Variants in ZNF536 observed in about 807,000 individuals in gnomAD.
ZNF536 encodes zinc finger protein 536.
ZNF536 carries 13 observed loss-of-function variants against 84.5 expected under a neutral mutation model. That is an observed-to-expected ratio of 0.15 (90% CI 0.10 to 0.24). The LOEUF is 0.24. Among genes scored for constraint, ZNF536 ranks in the 10% least tolerant of loss-of-function variants. The probability of loss-of-function intolerance (pLI) is 1.00; values close to 1 mark genes in which losing one functional copy is unlikely to be tolerated. For synonymous variants in ZNF536, 811 were observed against 742.5 expected, an observed-to-expected ratio of 1.09 and a Z score of -1.50; for missense variants, 1,536 against 1,747.5, an observed-to-expected ratio of 0.88 and a Z score of 2.16.
chr19:30,503,919 C>G (rs1224640819), intron 2 of ZNF536, among the ~76,000 whole-genome samples: 2 of 145,350 alleles, frequency 1.4e-5, no homozygotes, highest in African/African-American at 5.1e-5. Context: ...TTTCTTCTCT[C>G]TCTTTTTTTT....
chr19:30,656,705 T>G (rs916521081), intron 1 of ZNF536, among the ~76,000 whole-genome samples: 14 of 152,330 alleles, frequency 9.2e-5, no homozygotes, highest in Admixed American at 1.3e-4. Flanking sequence ...ATGCCTGTCA[T>G]CATTTTATGA....
chr19:30,254,964 T>C (rs949469650), intron 1 of ZNF536, among the ~76,000 whole-genome samples: 1 of 152,238 alleles, frequency 6.6e-6, no homozygotes, highest in Non-Finnish European at 1.5e-5. Context: ...TGTTTCTAGA[T>C]ATCATGTTAA....
intron 1 of ZNF536, among the ~76,000 whole-genome samples, chr19:30,408,283 A>G (rs990139830): frequency 1.9e-4 from 29 of 152,112 alleles, no homozygotes; most frequent in African/African-American, 5.3e-4. Flanking sequence ...AAAATTGGCC[A>G]CTAGTATAAT....
intron 1 of ZNF536, among the ~76,000 whole-genome samples, chr19:30,380,149 C>T (rs1446218085): frequency 2.0e-5 from 3 of 152,144 alleles, no homozygotes; most frequent in Non-Finnish European, 4.4e-5. Context: ...TAGCCCAAGT[C>T]CTAGTGCATT....
At chr19:30,504,551 A>C (rs960960305) in intron 2 of ZNF536, among the ~76,000 whole-genome samples, 44 of 27,582 alleles carry the variant, frequency 1.6e-3, no homozygotes, top group Non-Finnish European at 1.6e-3. Flanking sequence ...TCATCCTCCC[A>C]CCCTTCCTCC....
At chr19:30,698,152 C>T (rs2051740537) in intron 1 of ZNF536, among the ~76,000 whole-genome samples, 1 of 152,058 alleles carries the variant, frequency 6.6e-6, no homozygotes, top group Admixed American at 6.5e-5. Context: ...ATTAGCTGGA[C>T]CCATTGGTGC....
intron 1 of ZNF536, among the ~76,000 whole-genome samples, chr19:30,686,590 T>G (rs2051193797): frequency 6.6e-6 from 1 of 152,172 alleles, no homozygotes; most frequent in South Asian, 2.1e-4. Flanking sequence ...CTCTTCGTCC[T>G]CCCTCTTAGT....
intron 1 of ZNF536, among the ~76,000 whole-genome samples, chr19:30,570,307 C>T (rs569785394): frequency 3.3e-5 from 5 of 152,242 alleles, no homozygotes; most frequent in Admixed American, 2.0e-4. Context: ...TGTAAGAAGC[C>T]GGGTGGGCTG....
At chr19:30,505,281 T>C (rs1227686555) in intron 2 of ZNF536, among the ~76,000 whole-genome samples, 1 of 147,694 alleles carries the variant, frequency 6.8e-6, no homozygotes, top group Admixed American at 6.8e-5. Context: ...TATATACTAA[T>C]AAATATTCTA....
At position 30,534,860 on chromosome 19, in the gene ZNF536, G is replaced by A; in HGVS notation, c.2184G>A (p.Glu728=). The A allele has an allele frequency of 1.9e-6, 3 of 1,612,946 alleles. No homozygotes were observed. Among genetic ancestry groups the A allele is most frequent in the Non-Finnish European group, 2.5e-6 (3 of 1,179,222 alleles). Residue 728 remains glutamate, a synonymous_variant, in exon 3 of 5, where the codon GAG becomes GAA. Coordinates refer to ENST00000355537, the MANE Select transcript of ZNF536 (RefSeq NM_014717.3). ...CCTTCGCTGCAGACATTGGCGAGGA[G>A]GCTGGGAGATCTGCCGGCGTCCAGC... The part of the protein sequence containing the change: ...SSPSSSDIGE[E]AGRSAGVQQP...
Position 30,263,368 on chromosome 19 carries a change from G to A in ZNF536, c.-189-20704G>A, listed in dbSNP as rs545905906. 6.6e-5 allele frequency among the ~76,000 whole-genome samples: 10 copies of A among 152,208 alleles called. No homozygotes were observed. The South Asian group carries it at 8.3e-4, about 13-fold the overall frequency. ...AAGCCACACTGCAGTGCCATCACCC[G>A]TGGAGCTGGCAGCAGAACCCACTGG... is the stretch of plus-strand genomic sequence containing the variant. On this transcript the variant is annotated intron_variant, in intron 1 of 5. Transcript: ENST00000585628.
chr19:30,367,173 C>G (rs2048461823), intron 3 of ZNF536, among the ~76,000 whole-genome samples: 1 of 152,196 alleles, frequency 6.6e-6, no homozygotes, highest in African/African-American at 2.4e-5. Flanking sequence ...TCTGAAAGAC[C>G]CTCCGCCACA....
At chr19:30,316,968 G>T (rs1456186348) in intron 2 of ZNF536, among the ~76,000 whole-genome samples, 2 of 152,192 alleles carry the variant, frequency 1.3e-5, no homozygotes, top group Non-Finnish European at 2.9e-5. Flanking sequence ...GACACAGCTT[G>T]CAGGACAGCA....
rs557749226 is a variant in ZNF536, at chr19:30,638,035, T to C, written c.170-72722T>C. 6.6e-5 allele frequency among the ~76,000 whole-genome samples: 10 copies of C among 152,152 alleles called. No homozygotes were observed. The South Asian group carries it at 2.1e-3, about 32-fold the overall frequency. Reference sequence around the variant, plus strand: ...TCATGGACCACCCAGAAGTAGTCGATGCAAGCCCTGAAAACTCTTTCCTGA... The same window carrying C: ...TCATGGACCACCCAGAAGTAGTCGACGCAAGCCCTGAAAACTCTTTCCTGA... On this transcript the variant is annotated intron_variant, in intron 1 of 1. Transcript: ENST00000592773.
At chr19:30,711,632 A>G (rs1040308302) in exon 2 of ZNF536, 3 of 152,198 alleles carry the variant, frequency 2.0e-5, no homozygotes, top group Admixed American at 6.5e-5. Flanking sequence ...TTAAATGCGC[A>G]TTTTTACAAA....
intron 1 of ZNF536, among the ~76,000 whole-genome samples, chr19:30,422,382 A>G (rs1329389722): frequency 6.6e-6 from 1 of 152,168 alleles, no homozygotes; most frequent in Non-Finnish European, 1.5e-5. Flanking sequence ...GACTAAAGAT[A>G]TCTCCCTAAG....
At chr19:30,588,578 AT>A (rs1568579473) in intron 1 of ZNF536, among the ~76,000 whole-genome samples, 1 of 151,844 alleles carries the variant, frequency 6.6e-6, no homozygotes, top group Non-Finnish European at 1.5e-5. Flanking sequence ...TTTTTTTCTA[AT>A]TTTTCTGATC....
At chr19:30,302,572 A>G (rs142615222) in intron 2 of ZNF536, among the ~76,000 whole-genome samples, 31 of 152,238 alleles carry the variant, frequency 2.0e-4, no homozygotes, top group African/African-American at 7.0e-4. Flanking sequence ...CAGTTCTAGA[A>G]TGCAGTCTGT....
At chr19:30,421,657 C>G (rs1012546085) in intron 1 of ZNF536, among the ~76,000 whole-genome samples, 10 of 152,246 alleles carry the variant, frequency 6.6e-5, no homozygotes, top group Non-Finnish European at 1.0e-4. Flanking sequence ...GCCACTGTCT[C>G]TGGCCCGGCA....
Sources: gnomAD v4.1 joint callset for allele counts (sites outside exome capture counted in the v4.1 genomes callset) on GRCh38, gnomAD v4.1.1 for gene constraint, MANE v1.5 for transcripts, NCBI Gene and HGNC (gene_info 2026-07-23, HGNC 2026-07-21) for gene names.